Variants in ATP2B4 observed in about 807,000 individuals in gnomAD.
ATP2B4 encodes the protein plasma membrane calcium-transporting ATPase 4.
ATP2B4 carries 39 observed loss-of-function variants against 110.3 expected under a neutral mutation model. The ratio of observed to expected loss-of-function variants is 0.35; its 90% CI spans 0.27 to 0.46. The LOEUF is 0.46. Ranked by LOEUF, ATP2B4 falls within the 20% of genes least tolerant of loss-of-function variation. The pLI is 1.00. For missense variants in ATP2B4, 1,135 were observed against 1,530.9 expected (o/e 0.74, Z 4.32); for synonymous variants, 538 against 571.7 (o/e 0.94, Z 0.84).
At chr1:203,713,748 A>T (rs1221312011) in intron 14 of ATP2B4, among the ~76,000 whole-genome samples, 1 of 152,188 alleles carries the variant, frequency 6.6e-6, no homozygotes, top group East Asian at 1.9e-4. Flanking sequence ...TAGAGCCGTG[A>T]GCCACCGCAC....
chr1:203,713,214 C>A lies in ATP2B4; in HGVS notation c.2261C>A (p.Ala754Glu), dbSNP rs767504305. Reference protein sequence around the residue: ...DKIWPKLRVLARSSPTDKHTL... With the variant: ...DKIWPKLRVLERSSPTDKHTL... ...ATCTGGCCTAAGCTTCGGGTCCTGG[C>A]GCGATCTTCTCCCACTGACAAGCAC... The change falls in exon 14 of 21, where the codon GCG (alanine) becomes GAG (glutamate). Residue 754 changes from alanine to glutamate, a missense_variant. By Grantham distance (107) the Ala-to-Glu change is moderately radical. Around this residue, in one of 9 missense-constraint regions of ATP2B4, gnomAD observed 368 missense variants for 455.9 expected, o/e 0.81. Coordinates refer to ENST00000357681, the MANE Select transcript of ATP2B4 (RefSeq NM_001684.5). 1 of 1,614,114 alleles carries A rather than the reference C, an allele frequency of 6.2e-7. No homozygotes were observed. The highest frequency in any genetic ancestry group is 2.2e-5 in the East Asian group (1 of 44,876).
At chr1:203,651,063 C>A (rs1663976568) in intron 1 of ATP2B4, among the ~76,000 whole-genome samples, 1 of 152,144 alleles carries the variant, frequency 6.6e-6, no homozygotes, top group Admixed American at 6.5e-5. Flanking sequence ...GCATGAGCCA[C>A]CATGCCTGGC....
At chr1:203,736,570 TCTC>T (rs1167033565) in intron 20 of ATP2B4, among the ~76,000 whole-genome samples, 1 of 151,764 alleles carries the variant, frequency 6.6e-6, no homozygotes, top group East Asian at 1.9e-4. Context: ...TCATACCCAG[TCTC>T]CTGAGTCATG....
intron 1 of ATP2B4, among the ~76,000 whole-genome samples, chr1:203,633,389 G>A (rs1472609161): frequency 6.6e-6 from 1 of 152,152 alleles, no homozygotes; most frequent in Non-Finnish European, 1.5e-5. Flanking sequence ...GAGCCCAGGC[G>A]TTTGAGGCTC....
intron 1 of ATP2B4, among the ~76,000 whole-genome samples, chr1:203,680,094 A>T (rs1293562089): frequency 6.7e-6 from 1 of 149,528 alleles, no homozygotes; most frequent in East Asian, 2.0e-4. Flanking sequence ...AGGAATTCTG[A>T]CTCAGACTGT....
In ATP2B4 at chr1:203,742,764, T is replaced by C. The variant is rs918659792; in HGVS notation, c.*2910T>C. Reference sequence around the variant, plus strand: ...GGCAGAGTGGTATAAAAGACACGAATATCTCCTGGTCTATAAGGATACTCT... The same window carrying C: ...GGCAGAGTGGTATAAAAGACACGAACATCTCCTGGTCTATAAGGATACTCT... On this transcript the variant is annotated 3_prime_UTR_variant, in exon 21 of 21. Transcript: ENST00000357681. 2.0e-5 allele frequency: 3 copies of C among 152,244 alleles called. No homozygotes were observed. The highest frequency in any genetic ancestry group is 7.2e-5 in the African/African-American group (3 of 41,460). 9.4% of individuals were successfully genotyped at this position (152,244 alleles called of 1,614,324 possible).
At chr1:203,703,915 C>A in intron 8 of ATP2B4, 102 bp downstream of exon 8, 1 of 1,422,376 alleles carries the variant, frequency 7.0e-7, no homozygotes, top group Non-Finnish European at 9.4e-7. Context: ...CAGAAAGAAG[C>A]TGAAACTTCA....
At chr1:203,684,587 AC>A in intron 2 of ATP2B4, among the ~76,000 whole-genome samples, 1 of 151,708 alleles carries the variant, frequency 6.6e-6, no homozygotes, top group Non-Finnish European at 1.5e-5. Flanking sequence ...CGAACTCCTG[AC>A]CTCAGGTGAT....
chr1:203,683,819 G>A lies in ATP2B4; in HGVS notation c.193+421G>A, dbSNP rs575996431. 8.6e-4 allele frequency among the ~76,000 whole-genome samples: 131 copies of A among 151,790 alleles called. 1 individual carries two copies. Among genetic ancestry groups the A allele is most frequent in the East Asian group, 2.5e-3 (13 of 5,152 alleles). On this transcript the variant is annotated intron_variant, in intron 2 of 20. Transcript: ENST00000357681. Reference sequence around the variant, plus strand: ...CTGCTGGGTAGCTAGGACCACAGGTGTGTGCCATCACACCCAGCTAGCTTT... The same window carrying A: ...CTGCTGGGTAGCTAGGACCACAGGTATGTGCCATCACACCCAGCTAGCTTT...
At chr1:203,676,468 T>C (rs1338793784) in intron 1 of ATP2B4, among the ~76,000 whole-genome samples, 1 of 152,166 alleles carries the variant, frequency 6.6e-6, no homozygotes, top group African/African-American at 2.4e-5. Context: ...AGAGAAGGGC[T>C]AGCCAGGGAT....
At chr1:203,720,357 G>A (rs1666284690) in intron 15 of ATP2B4, among the ~76,000 whole-genome samples, 192 bp from the exon 16 acceptor site, 1 of 152,224 alleles carries the variant, frequency 6.6e-6, no homozygotes, top group Non-Finnish European at 1.5e-5. Context: ...GAGCTCAACA[G>A]TAAGGTTGGT....
At chr1:203,669,111 TTTTGCC>T (rs1664587823) in intron 1 of ATP2B4, among the ~76,000 whole-genome samples, 1 of 152,160 alleles carries the variant, frequency 6.6e-6, no homozygotes, top group African/African-American at 2.4e-5. Context: ...TTCTTCCAGG[TTTTGCC>T]TTGGAGGTTG....
intron 19 of ATP2B4, among the ~76,000 whole-genome samples, chr1:203,726,320 G>C (rs185536243): frequency 1.3e-5 from 2 of 152,062 alleles, no homozygotes; most frequent in East Asian, 3.9e-4. Flanking sequence ...CTCCTGCCTC[G>C]GCCTCCCGAA....
intron 2 of ATP2B4, among the ~76,000 whole-genome samples, chr1:203,686,994 C>CTT (rs11329273): frequency 6.9e-5 from 6 of 86,468 alleles, no homozygotes; most frequent in African/African-American, 1.3e-4. Flanking sequence ...GGCATCTGGC[C>CTT]TTTTTTTTTT....
chr1:203,700,993 G>C, intron 6 of ATP2B4, 70 bp downstream of exon 6: 2 of 1,532,374 alleles, frequency 1.3e-6, no homozygotes, highest in East Asian at 2.4e-5. Context: ...CGAGGGAGCA[G>C]ATCTGGATAG....
At chr1:203,703,387 C>T (rs1389118183) in intron 7 of ATP2B4, among the ~76,000 whole-genome samples, 1 of 152,102 alleles carries the variant, frequency 6.6e-6, no homozygotes, top group Non-Finnish European at 1.5e-5. Context: ...TGAGGTAGTA[C>T]CAGGAAGCTG....
intron 1 of ATP2B4, among the ~76,000 whole-genome samples, chr1:203,627,434 G>T (rs1663123057): frequency 1.3e-5 from 2 of 152,074 alleles, no homozygotes; most frequent in Admixed American, 1.3e-4. Context: ...TCGAACAAGT[G>T]ATTTATCTCT....
intron 10 of ATP2B4, among the ~76,000 whole-genome samples, chr1:203,708,746 T>C (rs1665920295): frequency 6.6e-6 from 1 of 152,128 alleles, no homozygotes; most frequent in Admixed American, 6.6e-5. Context: ...TCCCAGCTAC[T>C]CCAGAAGCTG....
rs942518932 is a variant in ATP2B4 at position 203,683,163 on chromosome 1, G to A, written c.-43G>A. On this transcript the variant is annotated 5_prime_UTR_variant, in exon 2 of 21. Transcript: ENST00000357681. ...AGACACTGGTCAGTTGAAGGGAAAC[G>A]CTACATCTTCTCTGGTTGAGGGGCT... 8.2e-6 allele frequency: 13 copies of A among 1,593,696 alleles called. No individual in the cohort carries two copies. The East Asian group carries it at 9.0e-5, about 11-fold the overall frequency.
Sources: gnomAD v4.1 joint callset for allele counts (sites outside exome capture counted in the v4.1 genomes callset) on GRCh38, gnomAD v4.1.1 for gene constraint, gnomAD v4.1.1 regional missense constraint, MANE v1.5 for transcripts, NCBI Gene and HGNC (gene_info 2026-07-23, HGNC 2026-07-21) for gene names.